Variants in EML2 observed in about 807,000 individuals in gnomAD.
EML2 encodes EMAP like 2.
EML2 carries 59 observed loss-of-function variants against 84.7 expected under a neutral mutation model. That is an observed-to-expected ratio of 0.70 (90% confidence interval 0.56 to 0.86). EML2 has a LOEUF of 0.86. Among genes scored for constraint, EML2 ranks in the 40% least tolerant of loss-of-function variants. The probability of loss-of-function intolerance (pLI) is 0.00; values close to 1 mark genes in which losing one functional copy is unlikely to be tolerated. For synonymous variants in EML2, 352 were observed against 348.9 expected (o/e 1.01, Z -0.10); for missense variants, 818 against 855.6 (o/e 0.96, Z 0.55).
chr19:45,621,585 A>T lies in EML2; in HGVS notation c.894T>A (p.Phe298Leu). The T allele has an allele frequency of 6.2e-7, 1 of 1,611,854 alleles. No individual in the cohort carries two copies. The highest frequency in any genetic ancestry group is 8.5e-7 in the Non-Finnish European group (1 of 1,179,868). ...AVLGAHDGGVFGLCALRDGTL... is the reference protein window; with the variant it reads ...AVLGAHDGGVLGLCALRDGTL... ...TCCCGTCCCGCAGGGCGCAGAGCCC[A>T]AACACGCCGCCGTCGTGGGCGCCCA... is the stretch of plus-strand genomic sequence containing the variant. The change falls in exon 10 of 19, where the codon TTT becomes TTA. Residue 298 changes from phenylalanine to leucine, a missense_variant. Transcript: ENST00000245925.
intron 8 of EML2, among the ~76,000 whole-genome samples, chr19:45,625,273 G>T (rs941714368): frequency 6.6e-6 from 1 of 151,050 alleles, no homozygotes; most frequent in African/African-American, 2.4e-5. Context: ...ACGGAGTCTC[G>T]CTCTGTCACC....
intron 13 of EML2, among the ~76,000 whole-genome samples, chr19:45,617,293 C>T (rs554391479): frequency 2.0e-5 from 3 of 151,756 alleles, no homozygotes; most frequent in African/African-American, 2.4e-5. Context: ...CGGTGGCTCA[C>T]GCCTGTAATC....
intron 9 of EML2, 113 bp from the exon 10 acceptor site, chr19:45,621,750 CTTTTT>C: frequency 1.0e-6 from 1 of 994,412 alleles, no homozygotes; most frequent in Non-Finnish European, 1.4e-6. Context: ...ACTTTTCCAC[CTTTTT>C]TTTTTTTTTG....
Position 45,634,365 on chromosome 19 carries a change from G to T in EML2, c.286C>A (p.Gln96Lys). The T allele has an allele frequency of 6.2e-7, 1 of 1,613,928 alleles. No individual in the cohort carries two copies. The highest frequency in any genetic ancestry group is 8.5e-7 in the Non-Finnish European group (1 of 1,179,914). Residue 96 changes from glutamine (Q) to lysine (K), a missense_variant, in exon 4 of 19, where the codon CAG (glutamine) becomes AAG (lysine). By Grantham distance (53) the Gln-to-Lys change is moderately conservative. Transcript: ENST00000245925. ...TGTCCCAGGTAGTGTCGCTGCCTCT[G>T]CTCCTCCACGCTGTATAGCACGGCT... ...SVAVLYSVEE[Q>K]RQRHYLGHND...
rs778166592 is a variant in EML2, at chr19:45,624,779, A to G, written c.781T>C (p.Leu261=). Reference sequence around the variant, plus strand: ...CCCGTGACCACGTCGCCACCTTCCAAAAAGGTCACACACAGCACATACTTC... The same window carrying G: ...CCCGTGACCACGTCGCCACCTTCCAGAAAGGTCACACACAGCACATACTTC... ...KPKYVLCVTF[L]EGGDVVTGDS... The change falls in exon 9 of 19, where the codon TTG becomes CTG. Residue 261 remains leucine, a synonymous_variant. Transcript: ENST00000245925. 1.9e-6 allele frequency: 3 copies of G among 1,613,748 alleles called. No individual in the cohort carries two copies. The highest frequency in any genetic ancestry group is 1.1e-5 in the South Asian group (1 of 91,050).
At chr19:45,638,077 G>A (rs1973981769) in intron 3 of EML2, among the ~76,000 whole-genome samples, 1 of 152,198 alleles carries the variant, frequency 6.6e-6, no homozygotes, top group Non-Finnish European at 1.5e-5. Flanking sequence ...CTCCCAATGT[G>A]CTGAGTTAGT....
chr19:45,616,066 C>T, intron 15 of EML2, 177 bp from the exon 16 acceptor site: 1 of 610,050 alleles, frequency 1.6e-6, no homozygotes, highest in Non-Finnish European at 3.0e-6. Flanking sequence ...ATACTGTGGG[C>T]GGGGCCAGAC....
chr19:45,632,724 C>A (rs1568474223), intron 6 of EML2, 137 bp downstream of exon 6: 1 of 726,428 alleles, frequency 1.4e-6, no homozygotes, highest in Non-Finnish European at 2.3e-6. Context: ...GACACGCCCT[C>A]ATTGTGACGT....
Position 45,616,855 on chromosome 19 carries a change from T to C in EML2, c.1323-2A>G. The C allele has an allele frequency of 6.2e-7, 1 of 1,612,240 alleles. No individual in the cohort carries two copies. Among genetic ancestry groups the C allele is most frequent in the Non-Finnish European group, 8.5e-7 (1 of 1,179,324 alleles). On this transcript the variant is annotated splice_acceptor_variant, in intron 13 of 18. Coordinates refer to ENST00000245925, the MANE Select transcript of EML2 (RefSeq NM_012155.4). LOFTEE classifies it high-confidence loss of function. ...GTCTCCGTGTCCAGCAGCAGCCATCTTGAAGGAGAGGGCGTGGTGGGGGGA... is the reference window on the plus strand; with the variant it reads ...GTCTCCGTGTCCAGCAGCAGCCATCCTGAAGGAGAGGGCGTGGTGGGGGGA...
chr19:45,621,014 C>T, intron 11 of EML2, 193 bp downstream of exon 11: 1 of 859,570 alleles, frequency 1.2e-6, no homozygotes. Context: ...GGGCCTGGGG[C>T]CCCTCTGCTG....
upstream of EML2, among the ~76,000 whole-genome samples, chr19:45,643,322 G>A (rs1008902269): frequency 2.0e-5 from 3 of 152,224 alleles, no homozygotes; most frequent in African/African-American, 7.2e-5. Context: ...TGCAGGCAGC[G>A]CATGGCAGAC....
chr19:45,621,543 C>T lies in EML2; in HGVS notation c.936G>A (p.Gly312=), dbSNP rs745330975. 3.0e-5 allele frequency: 49 copies of T among 1,612,934 alleles called. No individual in the cohort carries two copies. The highest frequency in any genetic ancestry group is 4.1e-5 in the Non-Finnish European group (48 of 1,179,990). The change falls in exon 10 of 19, where the codon GGG becomes GGA. Residue 312 remains glycine, a synonymous_variant. Coordinates refer to ENST00000245925, the MANE Select transcript of EML2 (RefSeq NM_012155.4). The stretch of plus-strand genomic sequence containing the variant: ...AGAGGACCACCCGCCGATCACGGCC[C>T]CCTCCAGACACCAGCGTCCCGTCCC... ...ALRDGTLVSG[G]GRDRRVVLWG... is the part of the protein sequence containing the mutation.
chr19:45,616,560 T>TGGGGGA lies in EML2; in HGVS notation c.1412-8_1412-3dup, dbSNP rs1971100433. 1 of 1,607,286 alleles carries TGGGGGA rather than the reference T, an allele frequency of 6.2e-7. No individual in the cohort carries two copies. The highest frequency in any genetic ancestry group is 1.3e-5 in the African/African-American group (1 of 74,688). On this transcript the variant is annotated splice_polypyrimidine_tract_variant and splice_region_variant and intron_variant, in intron 14 of 18. Coordinates refer to ENST00000245925, the MANE Select transcript of EML2 (RefSeq NM_012155.4). ...AGCCCACGGCCAGGTACGCCCCGTCTGGGGGAGGGGGAGGGGGGCTATGAG... is the reference window on the plus strand; with the variant it reads ...AGCCCACGGCCAGGTACGCCCCGTCTGGGGGAGGGGGAGGGGGAGGGGGGCTATGAG...
At chr19:45,615,185 T>C (rs1970889033) in intron 16 of EML2, 1 of 155,138 alleles carries the variant, frequency 6.4e-6, no homozygotes, top group Non-Finnish European at 1.4e-5. Flanking sequence ...AACAATATTT[T>C]AAAAATTAGC....
chr19:45,609,914 G>C lies in EML2; in HGVS notation c.1825-126C>G, dbSNP rs905084701. Reference sequence around the variant, plus strand: ...TTTTTTTTTTTTTTAATCACTTAGAGTGAAGTCACTTAGGTATGAGCACAG... The same window carrying C: ...TTTTTTTTTTTTTTAATCACTTAGACTGAAGTCACTTAGGTATGAGCACAG... On this transcript the variant is annotated intron_variant, in intron 18 of 18. Coordinates refer to ENST00000245925, the MANE Select transcript of EML2 (RefSeq NM_012155.4). The C allele has an allele frequency of 1.6e-5, 19 of 1,157,928 alleles. No homozygotes were observed. The Admixed American group carries it at 5.5e-4, about 34-fold the overall frequency. 71.7% of individuals were successfully genotyped at this position (1,157,928 alleles called of 1,614,324 possible).
chr19:45,642,682 A>G (rs975115733), upstream of EML2: 23 of 381,614 alleles, frequency 6.0e-5, no homozygotes, highest in Admixed American at 5.7e-5. Flanking sequence ...CTAAGACGTG[A>G]CCAGGCGCAG....
rs765633746 is a variant in EML2 at position 45,613,587 on chromosome 19, T to C, written c.1778A>G (p.Asp593Gly). The C allele has an allele frequency of 5.0e-6, 8 of 1,613,880 alleles. No individual in the cohort carries two copies. Among genetic ancestry groups the C allele is most frequent in the Non-Finnish European group, 6.8e-6 (8 of 1,180,002 alleles). The change falls in exon 18 of 19, where the codon GAC becomes GGC. Residue 593 changes from aspartate to glycine, a missense_variant. Asp to Gly is a moderately conservative substitution (Grantham distance 94). Coordinates refer to ENST00000245925, the MANE Select transcript of EML2 (RefSeq NM_012155.4). ...GCTAAACAGGTGAACTTTGCCAAAG[T>C]CATCAGCTGAAGCCAGCAACTTCCC... ...HDGKLLASAD[D>G]FGKVHLFSYP...
intron 16 of EML2, chr19:45,615,178 A>G (rs1970888259): frequency 6.4e-6 from 1 of 155,990 alleles, no homozygotes; most frequent in African/African-American, 2.4e-5. Flanking sequence ...CTCTACTAAC[A>G]ATATTTTAAA....
At chr19:45,633,948 AT>A (rs1345986601) in intron 4 of EML2, among the ~76,000 whole-genome samples, 1 of 152,082 alleles carries the variant, frequency 6.6e-6, no homozygotes, top group Non-Finnish European at 1.5e-5. Flanking sequence ...CATTGCGTGA[AT>A]TCACTGTCTG....
Sources: allele counts gnomAD v4.1 joint callset (sites outside exome capture counted in the v4.1 genomes callset), GRCh38; gene constraint gnomAD v4.1.1; transcripts MANE v1.5; gene names NCBI Gene and HGNC (gene_info 2026-07-23, HGNC 2026-07-21).